The following SPOCK1 variants were observed in gnomAD, a reference collection of about 807,000 sequenced individuals.
The protein encoded by SPOCK1 is testican-1.
SPOCK1 carries 23 observed loss-of-function variants against 55.3 expected under a neutral mutation model. The ratio of observed to expected loss-of-function variants is 0.42; its 90% CI spans 0.30 to 0.59. The LOEUF (loss-of-function observed/expected upper bound fraction) is 0.59, where lower values mean the gene tolerates loss of function less well. Among genes scored for constraint, SPOCK1 ranks in the 20% least tolerant of loss-of-function variants. SPOCK1 has a pLI of 0.22. For synonymous variants in SPOCK1, 226 were observed against 221.0 expected, an observed-to-expected ratio of 1.02 and a Z score of -0.20; for missense variants, 499 against 552.5, an observed-to-expected ratio of 0.90 and a Z score of 0.97.
intron 3 of SPOCK1, among the ~76,000 whole-genome samples, chr5:137,176,443 A>T (rs1464025060): frequency 6.6e-6 from 1 of 151,992 alleles, no homozygotes; most frequent in Non-Finnish European, 1.5e-5. Context: ...AGATGTTCTA[A>T]TGGAGAGACT....
At chr5:137,126,867 TA>T (rs1349119739) in intron 4 of SPOCK1, among the ~76,000 whole-genome samples, 1 of 152,222 alleles carries the variant, frequency 6.6e-6, no homozygotes, top group Non-Finnish European at 1.5e-5. Context: ...TGCAAACAAC[TA>T]AACTGGATAT....
intron 2 of SPOCK1, among the ~76,000 whole-genome samples, chr5:137,282,399 G>A (rs1942623358): frequency 6.6e-6 from 1 of 152,242 alleles, no homozygotes; most frequent in Admixed American, 6.5e-5. Flanking sequence ...GCTCAGAGCT[G>A]CAAGCAAACA....
At chr5:137,366,051 G>A (rs186671033) in intron 2 of SPOCK1, among the ~76,000 whole-genome samples, 19 of 152,344 alleles carry the variant, frequency 1.2e-4, no homozygotes, top group Admixed American at 1.1e-3. Flanking sequence ...CCAGTGCCAT[G>A]GGAGGCAGGG....
intron 2 of SPOCK1, among the ~76,000 whole-genome samples, chr5:137,326,191 T>C (rs1193939061): frequency 2.6e-5 from 4 of 151,904 alleles, no homozygotes; most frequent in Non-Finnish European, 5.9e-5. Context: ...CCCCGTACCA[T>C]ACACTGCACC....
At chr5:137,122,794 C>A (rs1753711032) in intron 4 of SPOCK1, among the ~76,000 whole-genome samples, 2 of 152,236 alleles carry the variant, frequency 1.3e-5, no homozygotes, top group South Asian at 4.1e-4. Flanking sequence ...TGTCATTCCA[C>A]CATCAGCTTC....
chr5:137,440,122 TTA>T (rs1752963255), intron 2 of SPOCK1, among the ~76,000 whole-genome samples: 1 of 152,010 alleles, frequency 6.6e-6, no homozygotes, highest in South Asian at 2.1e-4. Flanking sequence ...ATGAATATCT[TTA>T]GAGAGATAAG....
intron 5 of SPOCK1, among the ~76,000 whole-genome samples, chr5:137,111,748 G>T (rs545954541): frequency 6.6e-6 from 1 of 152,012 alleles, no homozygotes; most frequent in Non-Finnish European, 1.5e-5. Context: ...TAGGTGAAAT[G>T]CCCCTCTAGA....
At chr5:136,983,898 G>A (rs991051418) in intron 9 of SPOCK1, among the ~76,000 whole-genome samples, 6 of 152,126 alleles carry the variant, frequency 3.9e-5, no homozygotes, top group African/African-American at 9.7e-5. Context: ...GTGCACTGGG[G>A]TAAATGAGAC....
intron 3 of SPOCK1, among the ~76,000 whole-genome samples, chr5:137,209,299 G>A (rs537992806): frequency 2.2e-4 from 33 of 152,146 alleles, no homozygotes; most frequent in African/African-American, 6.7e-4. Context: ...TGGGTAATTC[G>A]AAGCTATTAA....
intron 2 of SPOCK1, among the ~76,000 whole-genome samples, chr5:137,329,890 T>C (rs546793017): frequency 6.6e-6 from 1 of 152,296 alleles, no homozygotes; most frequent in Admixed American, 6.5e-5. Flanking sequence ...AAATGCTATT[T>C]TGGGGTCAGA....
At chr5:137,137,769 G>A (rs1169593264) in intron 4 of SPOCK1, among the ~76,000 whole-genome samples, 1 of 152,228 alleles carries the variant, frequency 6.6e-6, no homozygotes, top group Non-Finnish European at 1.5e-5. Flanking sequence ...CAATCAAACT[G>A]GGTAGGGACC....
At chr5:137,215,952 G>T (rs1406932833) in intron 3 of SPOCK1, among the ~76,000 whole-genome samples, 1 of 152,188 alleles carries the variant, frequency 6.6e-6, no homozygotes, top group Admixed American at 6.5e-5. Context: ...TCAAACTGTG[G>T]CAGAACTGCG....
At chr5:137,270,893 C>T (rs1178222146) in intron 2 of SPOCK1, among the ~76,000 whole-genome samples, 1 of 152,004 alleles carries the variant, frequency 6.6e-6, no homozygotes, top group Non-Finnish European at 1.5e-5. Flanking sequence ...TCCCAGCTAC[C>T]CGAGAGGCTG....
chr5:137,019,559 A>G (rs1467042677), intron 6 of SPOCK1, among the ~76,000 whole-genome samples: 1 of 152,066 alleles, frequency 6.6e-6, no homozygotes, highest in Non-Finnish European at 1.5e-5. Flanking sequence ...TTTGTCTTTC[A>G]TAAACAATGC....
At chr5:137,003,232 G>C (rs980761333) in intron 6 of SPOCK1, among the ~76,000 whole-genome samples, 2 of 151,976 alleles carry the variant, frequency 1.3e-5, no homozygotes, top group East Asian at 1.9e-4. Context: ...CGGTGAAACT[G>C]TCTCAAAATA....
intron 2 of SPOCK1, among the ~76,000 whole-genome samples, chr5:137,462,600 A>T (rs1298217979): frequency 2.0e-5 from 3 of 152,172 alleles, no homozygotes; most frequent in African/African-American, 7.2e-5. Flanking sequence ...ATCTGAAAAA[A>T]ATGAGGATTA....
At chr5:137,060,959 C>T (rs920302510) in intron 6 of SPOCK1, among the ~76,000 whole-genome samples, 1 of 152,142 alleles carries the variant, frequency 6.6e-6, no homozygotes, top group Non-Finnish European at 1.5e-5. Context: ...ATGCAGTTGC[C>T]AATTTAATTC....
chr5:137,035,884 G>A (rs1021061508), intron 6 of SPOCK1, among the ~76,000 whole-genome samples: 3 of 152,178 alleles, frequency 2.0e-5, no homozygotes, highest in Non-Finnish European at 2.9e-5. Context: ...TTGTCTCTCT[G>A]TTCAGACTCC....
At chr5:137,344,758 G>T (rs1160340530) in intron 2 of SPOCK1, among the ~76,000 whole-genome samples, 2 of 152,196 alleles carry the variant, frequency 1.3e-5, no homozygotes, top group Non-Finnish European at 2.9e-5. Context: ...TAGTATAAAC[G>T]CAGGTTTCTG....
Sources: allele counts gnomAD v4.1 joint callset (sites outside exome capture counted in the v4.1 genomes callset), GRCh38; gene constraint gnomAD v4.1.1; transcripts MANE v1.5; gene names NCBI Gene and HGNC (gene_info 2026-07-23, HGNC 2026-07-21).